The following ABHD4 variants were observed in gnomAD, a reference collection of about 807,000 sequenced individuals.
ABHD4 encodes the protein abhydrolase domain containing 4, N-acyl phospholipase B, also known as (Lyso)-N-acylphosphatidylethanolamine lipase.
A neutral mutation model predicts 42.3 loss-of-function variants in ABHD4; 35 were observed. The observed-to-expected ratio is 0.83, with a 90% CI of 0.63 to 1.10. ABHD4 has a LOEUF of 1.10. Ranked by LOEUF, ABHD4 falls within the 50% of genes least tolerant of loss-of-function variation. ABHD4 has a pLI of 0.00. For synonymous variants in ABHD4, 169 were observed against 170.6 expected (o/e 0.99, Z 0.07); for missense variants, 389 against 454.8 (o/e 0.86, Z 1.32).
rs746309160 is a variant in ABHD4 at position 22,598,332 on chromosome 14, G to A, written c.23+3G>A. The A allele has an allele frequency of 1.3e-6, 2 of 1,551,752 alleles. No individual in the cohort carries two copies. Among genetic ancestry groups the A allele is most frequent in the Non-Finnish European group, 8.7e-7 (1 of 1,146,970 alleles). ...ATGGCCGATGATCTGGAGCAGCAGT[G>A]AGTTAATCCTGTCCCTTTCTCTCTT... On this transcript the variant is annotated splice_donor_region_variant and intron_variant, in intron 1 of 6. Transcript: ENST00000428304.
intron 1 of ABHD4, chr14:22,598,643 C>A: frequency 1.8e-6 from 1 of 562,588 alleles, no homozygotes; most frequent in Non-Finnish European, 3.0e-6. Context: ...GTGAGATCCC[C>A]GAAAGCAAGC....
At chr14:22,601,590 G>GT in intron 1 of ABHD4, 77 bp from the exon 2 acceptor site, 1 of 1,402,536 alleles carries the variant, frequency 7.1e-7, no homozygotes, top group Non-Finnish European at 1.0e-6. Context: ...GAACTCTTTT[G>GT]TAACTCTCAG....
chr14:22,605,973 C>T (rs1017914471), intron 4 of ABHD4: 1 of 587,036 alleles, frequency 1.7e-6, no homozygotes, highest in Non-Finnish European at 2.8e-6. Context: ...CTAATACAGG[C>T]CTGAAAATGA....
At position 22,606,424 on chromosome 14, in the gene ABHD4, C is replaced by A; in HGVS notation, c.643C>A (p.Pro215Thr). The A allele has an allele frequency of 1.9e-6, 3 of 1,610,556 alleles. No individual in the cohort carries two copies. The highest frequency in any genetic ancestry group is 2.5e-6 in the Non-Finnish European group (3 of 1,178,412). The change falls in exon 5 of 7, where the codon CCT becomes ACT. Residue 215 changes from proline to threonine, a missense_variant and splice_region_variant. By Grantham distance (38) the Pro-to-Thr change is conservative. Transcript: ENST00000428304. Reference sequence around the variant, plus strand: ...TGTGTTTTTCTATCCCCTCCCAGGGCCTGGTCTGGTGCAGCGATTCCGGCC... The same window carrying A: ...TGTGTTTTTCTATCCCCTCCCAGGGACTGGTCTGGTGCAGCGATTCCGGCC... ...AVLRVAGPWG[P>T]GLVQRFRPDF... is the part of the protein sequence containing the mutation.
chr14:22,602,484 G>A (rs908808180), intron 2 of ABHD4, among the ~76,000 whole-genome samples: 13 of 152,084 alleles, frequency 8.5e-5, no homozygotes, highest in South Asian at 2.1e-4. Flanking sequence ...AGCTCTTCCC[G>A]GGAGACTGCT....
rs1327926765 is a variant in ABHD4 at position 22,598,349 on chromosome 14, TTCTC to T, written c.23+24_23+27del. The stretch of plus-strand genomic sequence containing the variant: ...GCAGCAGTGAGTTAATCCTGTCCCT[TTCTC>T]TCTTTCTCTCTCTCTCTCTGGGCCA... On this transcript the variant is annotated intron_variant, in intron 1 of 6. Coordinates refer to ENST00000428304, the MANE Select transcript of ABHD4 (RefSeq NM_022060.3). 7 of 1,551,298 alleles carry T rather than the reference TTCTC, an allele frequency of 4.5e-6. No individual in the cohort carries two copies. The Admixed American group carries it at 9.8e-5, about 22-fold the overall frequency.
Position 22,611,204 on chromosome 14 carries a change from C to G in ABHD4, c.*256C>G. ...AGGGTTGCACAATGCCACCCATCCA[C>G]TCCTTGCCAAGTGTTACCCAGATGG... On this transcript the variant is annotated 3_prime_UTR_variant, in exon 7 of 7. Transcript: ENST00000428304. 1 of 469,628 alleles carries G rather than the reference C, an allele frequency of 2.1e-6. No individual in the cohort carries two copies. Among genetic ancestry groups the G allele is most frequent in the East Asian group, 3.6e-5 (1 of 27,634 alleles). The allele number at this position is 469,628 out of a possible 1,614,324, so 29.1% of individuals were successfully genotyped here.
chr14:22,604,701 C>T (rs2037329290), intron 4 of ABHD4, among the ~76,000 whole-genome samples: 1 of 152,144 alleles, frequency 6.6e-6, no homozygotes, highest in African/African-American at 2.4e-5. Context: ...CCTCCGCCTC[C>T]TGGGTTCAAG....
At chr14:22,608,899 C>T (rs188335120) in intron 5 of ABHD4, among the ~76,000 whole-genome samples, 2 of 152,122 alleles carry the variant, frequency 1.3e-5, no homozygotes, top group Non-Finnish European at 2.9e-5. Context: ...TGGGTTTCAC[C>T]ATGTTGGCCA....
chr14:22,608,042 T>C (rs1270974412), intron 5 of ABHD4, among the ~76,000 whole-genome samples: 1 of 152,220 alleles, frequency 6.6e-6, no homozygotes, highest in Non-Finnish European at 1.5e-5. Context: ...TTTATTTTCC[T>C]AATGATGTCC....
At chr14:22,602,976 A>C (rs1465572463) in intron 2 of ABHD4, among the ~76,000 whole-genome samples, 1 of 152,174 alleles carries the variant, frequency 6.6e-6, no homozygotes, top group African/African-American at 2.4e-5. Flanking sequence ...ATAAAGGGAG[A>C]TATCAAAGAT....
chr14:22,602,707 A>G (rs1009224420), intron 2 of ABHD4, among the ~76,000 whole-genome samples: 1 of 152,240 alleles, frequency 6.6e-6, no homozygotes, highest in Non-Finnish European at 1.5e-5. Flanking sequence ...CGCTGTTTCA[A>G]GGGATAAGAC....
At chr14:22,603,236 G>T (rs2037306497) in intron 2 of ABHD4, among the ~76,000 whole-genome samples, 154 bp from the exon 3 acceptor site, 1 of 152,212 alleles carries the variant, frequency 6.6e-6, no homozygotes, top group Non-Finnish European at 1.5e-5. Context: ...GGAGAGAGTT[G>T]TTTTCAGTGG....
intron 1 of ABHD4, chr14:22,598,604 T>A: frequency 1.3e-6 from 1 of 787,900 alleles, no homozygotes; most frequent in Non-Finnish European, 2.0e-6. Flanking sequence ...CATTCTCCTC[T>A]GGCCTCTGGA....
chr14:22,601,246 T>C lies in ABHD4; in HGVS notation c.24-421T>C, dbSNP rs763077710. 3.9e-5 allele frequency among the ~76,000 whole-genome samples: 6 copies of C among 152,266 alleles called. No individual in the cohort carries two copies. The South Asian group carries it at 8.3e-4, about 21-fold the overall frequency. ...TGCCCTGCCAGTAGGGCAGATGGCA[T>C]GGGAATTTGTCCTACTGTTAAGGAA... On this transcript the variant is annotated intron_variant, in intron 1 of 6. Transcript: ENST00000428304.
chr14:22,608,524 T>A (rs2139271869), intron 5 of ABHD4, among the ~76,000 whole-genome samples: 1 of 152,316 alleles, frequency 6.6e-6, no homozygotes, highest in African/African-American at 2.4e-5. Context: ...GATTTTTAAT[T>A]CCAGAGTCTT....
chr14:22,609,986 G>C, intron 6 of ABHD4, 76 bp downstream of exon 6: 8 of 1,425,636 alleles, frequency 5.6e-6, no homozygotes, highest in African/African-American at 2.8e-5. Context: ...AGAGAAGGGT[G>C]ATCAAGGAGA....
rs755966906 is a variant in ABHD4 at position 22,609,856 on chromosome 14, C to G, written c.885C>G (p.Thr295=). 1 of 1,613,924 alleles carries G rather than the reference C, an allele frequency of 6.2e-7. No individual in the cohort carries two copies. Among genetic ancestry groups the G allele is most frequent in the Non-Finnish European group, 8.5e-7 (1 of 1,179,964 alleles). The stretch of plus-strand genomic sequence containing the variant: ...ACGGGTCCGACACCTGGATAGATAC[C>G]AGTACGGGAAAAAAGGTGAAGATGC... The part of the protein sequence containing the change: ...MIYGSDTWID[T]STGKKVKMQR... Residue 295 remains threonine, a synonymous_variant, in exon 6 of 7, where the codon ACC becomes ACG. Transcript: ENST00000428304.
chr14:22,608,159 C>T (rs2037369539), intron 5 of ABHD4, among the ~76,000 whole-genome samples: 1 of 152,310 alleles, frequency 6.6e-6, no homozygotes, highest in African/African-American at 2.4e-5. Flanking sequence ...ATTCATTTGA[C>T]TCCAAATTCC....
Sources: gnomAD v4.1 joint callset for allele counts (sites outside exome capture counted in the v4.1 genomes callset) on GRCh38, gnomAD v4.1.1 for gene constraint, MANE v1.5 for transcripts, NCBI Gene and HGNC (gene_info 2026-07-23, HGNC 2026-07-21) for gene names.